Variants in SHQ1 observed in about 807,000 individuals in gnomAD.
SHQ1 encodes protein SHQ1 homolog.
A neutral mutation model predicts 53.8 loss-of-function variants in SHQ1; 49 were observed. The observed-to-expected ratio is 0.91, with a 90% CI of 0.72 to 1.16. The LOEUF is 1.16. Among genes scored for constraint, SHQ1 ranks in the 50% most tolerant of loss-of-function variants. The probability of loss-of-function intolerance (pLI) is 0.00; values close to 1 mark genes in which losing one functional copy is unlikely to be tolerated. For missense variants in SHQ1, 738 were observed against 683.1 expected, an observed-to-expected ratio of 1.08 and a Z score of -0.90; for synonymous variants, 243 against 251.0, an observed-to-expected ratio of 0.97 and a Z score of 0.30.
chr3:72,836,296 T>C lies in SHQ1; in HGVS notation c.487-3815A>G, dbSNP rs1309378822. ...CCAGGTCAGGAGATAGAGATCATCC[T>C]GGCTAACACGGTGAAACCCCGTCTC... is the stretch of plus-strand genomic sequence containing the variant. On this transcript the variant is annotated intron_variant, in intron 4 of 10. Transcript: ENST00000325599. 3.3e-5 allele frequency among the ~76,000 whole-genome samples: 5 copies of C among 152,216 alleles called. 1 individual carries two copies. Among genetic ancestry groups the C allele is most frequent in the South Asian group, 4.1e-4 (2 of 4,826 alleles).
chr3:72,755,322 G>C (rs1479167189), intron 10 of SHQ1, among the ~76,000 whole-genome samples: 6 of 152,146 alleles, frequency 3.9e-5, no homozygotes, highest in African/African-American at 1.4e-4. Context: ...ATGATAGATA[G>C]ATAGACAGAT....
At chr3:72,803,474 T>C (rs1046040622) in intron 9 of SHQ1, among the ~76,000 whole-genome samples, 1 of 152,114 alleles carries the variant, frequency 6.6e-6, no homozygotes, top group Non-Finnish European at 1.5e-5. Flanking sequence ...ATCAGCTAAG[T>C]CTCACCTTGT....
chr3:72,835,697 C>A (rs1707972806), intron 4 of SHQ1, among the ~76,000 whole-genome samples: 1 of 152,226 alleles, frequency 6.6e-6, no homozygotes, highest in Non-Finnish European at 1.5e-5. Context: ...TCACCGTCCT[C>A]TTCTGGCTCA....
At position 72,773,505 on chromosome 3, in the gene SHQ1, A is replaced by C. The variant is rs1465006091; in HGVS notation, c.1181+19411T>G. On this transcript the variant is annotated intron_variant, in intron 10 of 10. Coordinates refer to ENST00000325599, the MANE Select transcript of SHQ1 (RefSeq NM_018130.3). The stretch of plus-strand genomic sequence containing the variant: ...GCTTAAAAAAAAAAAAAAGAAAAAA[A>C]AGAACTTCCACGAAGACAGCCATAT... 4.2e-5 allele frequency: 11 copies of C among 262,168 alleles called. No individual in the cohort carries two copies. The East Asian group carries it at 1.1e-3, about 26-fold the overall frequency. The allele number at this position is 262,168 out of a possible 1,614,324, so 16.2% of individuals were successfully genotyped here.
intron 5 of SHQ1, among the ~76,000 whole-genome samples, chr3:72,827,269 C>T (rs191914955): frequency 4.6e-5 from 7 of 152,088 alleles, no homozygotes; most frequent in Admixed American, 3.9e-4. Flanking sequence ...CAAACAGACC[C>T]ATCCAATAGG....
chr3:72,782,432 G>T (rs1466499721), intron 10 of SHQ1, among the ~76,000 whole-genome samples: 1 of 152,056 alleles, frequency 6.6e-6, no homozygotes, highest in African/African-American at 2.4e-5. Context: ...CCTCAAGAAG[G>T]TCCTTTTCCA....
chr3:72,847,551 A>T (rs1214634783), intron 1 of SHQ1, among the ~76,000 whole-genome samples: 1 of 152,130 alleles, frequency 6.6e-6, no homozygotes, highest in Non-Finnish European at 1.5e-5. Flanking sequence ...CAAGGTTACG[A>T]TTCTGCAAGG....
intron 9 of SHQ1, among the ~76,000 whole-genome samples, chr3:72,810,725 C>T (rs1159363928): frequency 1.3e-5 from 2 of 152,170 alleles, no homozygotes; most frequent in African/African-American, 2.4e-5. Context: ...AATGGCATCC[C>T]CGTGCCATCC....
At chr3:72,839,792 A>G (rs773993385) in intron 4 of SHQ1, among the ~76,000 whole-genome samples, 1 of 152,052 alleles carries the variant, frequency 6.6e-6, no homozygotes, top group Non-Finnish European at 1.5e-5. Context: ...ACAGAGTCTC[A>G]CACTGTTGCC....
At chr3:72,751,508 G>GTGTGTGTGTGTATATATATATATA (rs1210782182) in intron 10 of SHQ1, among the ~76,000 whole-genome samples, 15 of 116,980 alleles carry the variant, frequency 1.3e-4, no homozygotes, top group African/African-American at 6.2e-4. Flanking sequence ...GTGTGTGTGT[G>GTGTGTGTGTGTATATATATATATA]TATATATATA....
Position 72,791,366 on chromosome 3 carries a change from C to T in SHQ1, c.1181+1550G>A, listed in dbSNP as rs1323681380. 2.6e-5 allele frequency among the ~76,000 whole-genome samples: 4 copies of T among 152,214 alleles called. No individual in the cohort carries two copies. In the East Asian group the frequency reaches 5.8e-4, roughly 22 times the overall value. On this transcript the variant is annotated intron_variant, in intron 10 of 10. Coordinates refer to ENST00000325599, the MANE Select transcript of SHQ1 (RefSeq NM_018130.3). ...GTTAAACATTCAATTTTCCATCTGG[C>T]GAAATCTAGATTTCCAACACAAATG...
chr3:72,794,577 T>C (rs1392870041), intron 9 of SHQ1: 1 of 152,260 alleles, frequency 6.6e-6, no homozygotes, highest in Non-Finnish European at 1.5e-5. Context: ...TGTTCACTCA[T>C]ATTCTCATCT....
intron 6 of SHQ1, among the ~76,000 whole-genome samples, chr3:72,820,742 C>G (rs565992072): frequency 2.0e-5 from 3 of 152,248 alleles, no homozygotes; most frequent in African/African-American, 7.2e-5. Context: ...AATGTTTTGG[C>G]TAATTATACT....
intron 9 of SHQ1, among the ~76,000 whole-genome samples, chr3:72,806,993 T>C (rs1706971980): frequency 6.6e-6 from 1 of 152,242 alleles, no homozygotes; most frequent in African/African-American, 2.4e-5. Flanking sequence ...ATTATTTTTC[T>C]AGTGCTCTTT....
At chr3:72,733,237 C>T in the SHQ1 span, among the ~76,000 whole-genome samples, 1 of 151,572 alleles carries the variant, frequency 6.6e-6, no homozygotes. Context: ...GACATCTCTC[C>T]CTTCCTTCTC....
chr3:72,843,597 T>G (rs1294518991), intron 2 of SHQ1, among the ~76,000 whole-genome samples: 1 of 152,264 alleles, frequency 6.6e-6, no homozygotes, highest in African/African-American at 2.4e-5. Context: ...CCTTAACTCC[T>G]GTGTACTTTA....
chr3:72,751,508 G>GTGTGTATATATA (rs1210782182), intron 10 of SHQ1, among the ~76,000 whole-genome samples: 28 of 116,976 alleles, frequency 2.4e-4, no homozygotes, highest in African/African-American at 9.3e-4. Flanking sequence ...GTGTGTGTGT[G>GTGTGTATATATA]TATATATATA....
rs376103451 is a variant in SHQ1 at position 72,841,132 on chromosome 3, G to C, written c.399C>G (p.Pro133=). Reference sequence around the variant, plus strand: ...AAGCACTTTCTGATACCTCTTCACAGGGTGTCTGCTCAATTTCCCAATCAA... The same window carrying C: ...AAGCACTTTCTGATACCTCTTCACACGGTGTCTGCTCAATTTCCCAATCAA... ...EEFDWEIEQT[P]CEEVSESALN... The change falls in exon 4 of 11, where the codon CCC becomes CCG. Residue 133 remains proline (P), a synonymous_variant. Transcript: ENST00000325599. 1.2e-6 allele frequency: 2 copies of C among 1,613,900 alleles called. No homozygotes were observed. The highest frequency in any genetic ancestry group is 1.7e-5 in the Admixed American group (1 of 59,994).
At chr3:72,789,850 C>T (rs1271255300) in intron 10 of SHQ1, among the ~76,000 whole-genome samples, 1 of 152,190 alleles carries the variant, frequency 6.6e-6, no homozygotes, top group East Asian at 1.9e-4. Context: ...TTCATTCATT[C>T]CTTTTCCTAT....
Sources: allele counts gnomAD v4.1 joint callset (sites outside exome capture counted in the v4.1 genomes callset), GRCh38; gene constraint gnomAD v4.1.1; transcripts MANE v1.5; gene names NCBI Gene and HGNC (gene_info 2026-07-23, HGNC 2026-07-21).